SCRG1: variants seen among roughly 807,000 people sequenced by gnomAD.
SCRG1 encodes the protein stimulator of chondrogenesis 1, also known as scrapie-responsive protein 1.
A neutral mutation model predicts 7.7 loss-of-function variants in SCRG1; 3 were observed. The observed-to-expected ratio is 0.39, with a 90% CI of 0.18 to 1.01. The LOEUF (loss-of-function observed/expected upper bound fraction) is 1.01. SCRG1 is among the 50% of genes least tolerant of loss of function. The probability of loss-of-function intolerance (pLI) is 0.36; values close to 1 mark genes in which losing one functional copy is unlikely to be tolerated. For missense variants in SCRG1, 110 were observed against 117.2 expected (o/e 0.94, Z 0.28); for synonymous variants, 46 against 41.2 (o/e 1.12, Z -0.44).
chr4:173,476,432 T>C, the SCRG1 span, among the ~76,000 whole-genome samples: 1 of 149,194 alleles, frequency 6.7e-6, no homozygotes, highest in African/African-American at 2.5e-5. Context: ...GGATTGAATT[T>C]GTGACCACAG....
the SCRG1 span, among the ~76,000 whole-genome samples, chr4:173,423,221 G>C: frequency 6.6e-6 from 1 of 152,162 alleles, no homozygotes; most frequent in African/African-American, 2.4e-5. Flanking sequence ...TTATAGAGTT[G>C]ATTTATCACC....
chr4:173,517,169 G>T, the SCRG1 span, among the ~76,000 whole-genome samples: 1 of 152,280 alleles, frequency 6.6e-6, no homozygotes, highest in East Asian at 1.9e-4. Context: ...CTCGGGCGGG[G>T]TCACAATTAC....
chr4:173,488,379 C>T, the SCRG1 span, among the ~76,000 whole-genome samples: 2 of 152,080 alleles, frequency 1.3e-5, no homozygotes, highest in Non-Finnish European at 2.9e-5. Context: ...ATGTTGGACA[C>T]TATGGGCATG....
At chr4:173,492,426 C>G in the SCRG1 span, among the ~76,000 whole-genome samples, 1 of 151,960 alleles carries the variant, frequency 6.6e-6, no homozygotes, top group East Asian at 1.9e-4. Flanking sequence ...CAGCTGAGGA[C>G]AGCCATCTAA....
chr4:173,456,278 T>C, the SCRG1 span, among the ~76,000 whole-genome samples: 1 of 152,162 alleles, frequency 6.6e-6, no homozygotes, highest in African/African-American at 2.4e-5. Context: ...TGATTGAAAA[T>C]ATATACTGAA....
At chr4:173,513,112 C>A in the SCRG1 span, among the ~76,000 whole-genome samples, 2 of 152,158 alleles carry the variant, frequency 1.3e-5, no homozygotes, top group Non-Finnish European at 2.9e-5. Flanking sequence ...ATGATGCAAA[C>A]AATGTAGACC....
the SCRG1 span, among the ~76,000 whole-genome samples, chr4:173,502,892 A>G: frequency 6.6e-6 from 1 of 152,212 alleles, no homozygotes; most frequent in Admixed American, 6.5e-5. This position sits in a 1 kb window ranked among gnomAD's most constrained non-coding sequence, Gnocchi z 4.6. Flanking sequence ...ATCAGGCATA[A>G]TTAGGGTCTG....
chr4:173,432,399 TCC>T, the SCRG1 span, among the ~76,000 whole-genome samples: 3 of 141,664 alleles, frequency 2.1e-5, no homozygotes, highest in African/African-American at 8.1e-5. Flanking sequence ...CTCCCCTTAC[TCC>T]TCCTTCTCCT....
the SCRG1 span, among the ~76,000 whole-genome samples, chr4:173,417,726 G>C: frequency 3.3e-5 from 5 of 151,934 alleles, no homozygotes; most frequent in African/African-American, 1.2e-4. Flanking sequence ...GAACTCCTGG[G>C]CTCAAGCGAT....
intron 1 of SCRG1, chr4:173,398,321 A>C (rs1423789493): frequency 1.3e-5 from 2 of 152,236 alleles, no homozygotes; most frequent in African/African-American, 4.8e-5. Flanking sequence ...CTTTTAGAGC[A>C]TGCCAGAAGA....
the SCRG1 span, among the ~76,000 whole-genome samples, chr4:173,514,366 T>G: frequency 1.6e-3 from 249 of 152,084 alleles, 1 homozygote; most frequent in Admixed American, 3.5e-3. Context: ...GTTTGAAAAT[T>G]GACTTCTTTT....
In SCRG1 at chr4:173,388,059, A is replaced by C. The variant is rs141008120; in HGVS notation, c.*282T>G. The C allele has an allele frequency of 4.9e-3, 1,519 of 310,258 alleles. 26 individuals carry two copies. Among genetic ancestry groups the C allele is most frequent in the African/African-American group, 0.03 (1,420 of 46,644 alleles). 19.2% of individuals were successfully genotyped at this position (310,258 alleles called of 1,614,324 possible). ...CCTTGAGCCATGCCTATGGCTCTTC[A>C]TCTGGGGGACAGAACTCTTTAACTG... On this transcript the variant is annotated 3_prime_UTR_variant, in exon 3 of 3. Transcript: ENST00000296506.
chr4:173,504,357 G>A, the SCRG1 span, among the ~76,000 whole-genome samples: 1 of 152,210 alleles, frequency 6.6e-6, no homozygotes, highest in Non-Finnish European at 1.5e-5. This position sits in a 1 kb window ranked among gnomAD's most constrained non-coding sequence, Gnocchi z 4.7. Context: ...GTACCTGCCA[G>A]CACAGCCTGG....
chr4:173,443,506 G>T, the SCRG1 span, among the ~76,000 whole-genome samples: 3 of 152,246 alleles, frequency 2.0e-5, no homozygotes, highest in East Asian at 5.8e-4. Flanking sequence ...AAACAGACCA[G>T]CATTCTGTAT....
chr4:173,474,459 T>C, the SCRG1 span, among the ~76,000 whole-genome samples: 2 of 152,320 alleles, frequency 1.3e-5, no homozygotes, highest in South Asian at 4.1e-4. Context: ...GAAAAGGTAA[T>C]ATAAAATTTA....
Position 173,391,312 on chromosome 4 carries a change from C to A in SCRG1, c.103G>T (p.Asp35Tyr). 1 of 1,614,102 alleles carries A rather than the reference C, an allele frequency of 6.2e-7. No individual in the cohort carries two copies. The highest frequency in any genetic ancestry group is 8.5e-7 in the Non-Finnish European group (1 of 1,180,022). ...RLSCYRKILK[D>Y]HNCHNLPEGV... ...TCCGGAAGGTTGTGACAGTTGTGAT[C>A]TTTTAGTATCTTTCTGTAGCAAGAG... Residue 35 changes from aspartate to tyrosine, a missense_variant, in exon 2 of 3, where the codon GAT becomes TAT. Physicochemically the swap from Asp to Tyr is radical, Grantham distance 160. Transcript: ENST00000296506.
chr4:173,509,650 G>T, the SCRG1 span, among the ~76,000 whole-genome samples: 1 of 152,076 alleles, frequency 6.6e-6, no homozygotes, highest in Non-Finnish European at 1.5e-5. This position sits in a 1 kb window ranked among gnomAD's most constrained non-coding sequence, Gnocchi z 5.7. Context: ...GCCGGAACCC[G>T]CTCCTGGGCC....
the SCRG1 span, among the ~76,000 whole-genome samples, chr4:173,498,257 C>T: frequency 1.4e-3 from 214 of 152,302 alleles, 2 homozygotes; most frequent in East Asian, 0.017. Flanking sequence ...AAGAGCTCCA[C>T]CCAAGTGAAA....
At chr4:173,399,246 G>A (rs553620137), upstream of SCRG1, 2 of 152,352 alleles carry the variant, frequency 1.3e-5, no homozygotes, top group South Asian at 4.1e-4. Flanking sequence ...AGCCAGGACT[G>A]TGGGGAGGAG....
Sources: gnomAD v4.1 joint callset for allele counts (sites outside exome capture counted in the v4.1 genomes callset) on GRCh38, gnomAD v4.1.1 for gene constraint, Gnocchi (gnomAD v3.1) non-coding constraint, MANE v1.5 for transcripts, NCBI Gene and HGNC (gene_info 2026-07-23, HGNC 2026-07-21) for gene names.